CNTNAP2: variants seen among roughly 807,000 people sequenced by gnomAD.
CNTNAP2 encodes contactin associated protein 2, also known as contactin-associated protein-like 2.
A neutral mutation model predicts 155.2 loss-of-function variants in CNTNAP2; 98 were observed. The ratio of observed to expected loss-of-function variants is 0.63; its 90% CI spans 0.54 to 0.75. The LOEUF (loss-of-function observed/expected upper bound fraction) is 0.75, where lower values mean the gene tolerates loss of function less well. CNTNAP2 is among the 30% of genes least tolerant of loss of function. The pLI is 0.00. For synonymous variants in CNTNAP2, 651 were observed against 631.2 expected, an observed-to-expected ratio of 1.03 and a Z score of -0.47; for missense variants, 1,727 against 1,688.1, an observed-to-expected ratio of 1.02 and a Z score of -0.40.
At chr7:146,359,363 A>G (rs1206656408) in intron 1 of CNTNAP2, among the ~76,000 whole-genome samples, 3 of 152,258 alleles carry the variant, frequency 2.0e-5, no homozygotes, top group African/African-American at 7.2e-5. Context: ...CAGTCATCTC[A>G]TCTGTGGAAA....
chr7:146,248,585 C>T (rs890427974), intron 1 of CNTNAP2, among the ~76,000 whole-genome samples: 4 of 152,136 alleles, frequency 2.6e-5, no homozygotes, highest in East Asian at 3.9e-4. Context: ...GAGAGATTGA[C>T]GTGTGGCGCC....
intron 3 of CNTNAP2, among the ~76,000 whole-genome samples, chr7:146,879,885 C>A (rs759457515): frequency 6.6e-6 from 1 of 152,048 alleles, no homozygotes; most frequent in Admixed American, 6.6e-5. Flanking sequence ...TTCCACGTGG[C>A]TGGGGAGGCC....
rs1333893201 is a variant in CNTNAP2, at chr7:147,301,825, G to T, written c.1498+1535G>T. Among the ~76,000 whole-genome samples the T allele has an allele frequency of 2.0e-5, 3 of 152,086 alleles. No homozygotes were observed. The South Asian group carries it at 6.2e-4, about 31-fold the overall frequency. ...GTCACTTTATTATGAATTGTCTAGAGAGGAAACAGAGGAGGCCCTAGGCAA... is the reference window on the plus strand; with the variant it reads ...GTCACTTTATTATGAATTGTCTAGATAGGAAACAGAGGAGGCCCTAGGCAA... On this transcript the variant is annotated intron_variant, in intron 9 of 23. Coordinates refer to ENST00000361727, the MANE Select transcript of CNTNAP2 (RefSeq NM_014141.6).
chr7:147,663,022 C>A (rs1388666825), intron 13 of CNTNAP2, among the ~76,000 whole-genome samples: 1 of 151,754 alleles, frequency 6.6e-6, no homozygotes, highest in Non-Finnish European at 1.5e-5. Flanking sequence ...TTTTTGAGAC[C>A]GAGTCTCGCT....
At chr7:147,348,897 C>A (rs1795923982) in intron 9 of CNTNAP2, among the ~76,000 whole-genome samples, 1 of 151,862 alleles carries the variant, frequency 6.6e-6, no homozygotes. Flanking sequence ...GAAAGTTCAC[C>A]ACCACATGTT....
intron 8 of CNTNAP2, among the ~76,000 whole-genome samples, chr7:147,225,106 T>C (rs1311085497): frequency 6.6e-6 from 1 of 152,192 alleles, no homozygotes; most frequent in African/African-American, 2.4e-5. Flanking sequence ...AACCCTCAAT[T>C]ATCTTGTCTG....
chr7:148,310,197 C>A (rs1797568697), intron 21 of CNTNAP2, among the ~76,000 whole-genome samples: 2 of 152,164 alleles, frequency 1.3e-5, no homozygotes, highest in South Asian at 4.2e-4. Flanking sequence ...CAAGGGGGTT[C>A]AGCATAATTA....
intron 12 of CNTNAP2, among the ~76,000 whole-genome samples, chr7:147,624,891 G>C (rs1794940360): frequency 6.6e-6 from 1 of 152,158 alleles, no homozygotes; most frequent in Non-Finnish European, 1.5e-5. Flanking sequence ...TAAAGAAAAT[G>C]TGGTACATAT....
intron 11 of CNTNAP2, 56 bp from the exon 12 acceptor site, chr7:147,562,082 T>C: frequency 1.2e-6 from 2 of 1,611,956 alleles, no homozygotes; most frequent in Non-Finnish European, 1.7e-6. Flanking sequence ...GGGACATTTA[T>C]CTGGGGAGCC....
chr7:146,133,382 T>C (rs1797747097), intron 1 of CNTNAP2, among the ~76,000 whole-genome samples: 1 of 152,144 alleles, frequency 6.6e-6, no homozygotes, highest in South Asian at 2.1e-4. Flanking sequence ...ACTCTGATGG[T>C]TGTTTCTTTT....
chr7:146,495,666 T>C (rs700280), intron 1 of CNTNAP2, among the ~76,000 whole-genome samples: 72,421 of 151,808 alleles, frequency 0.48, 17,823 homozygotes, highest in Admixed American at 0.59. Context: ...AATGTATGCT[T>C]GGTTTTTTGA....
chr7:147,015,517 G>A (rs895154078), intron 3 of CNTNAP2, among the ~76,000 whole-genome samples: 1 of 151,912 alleles, frequency 6.6e-6, no homozygotes, highest in African/African-American at 2.4e-5. Flanking sequence ...TAGTGAGTGG[G>A]AATAATGATA....
At chr7:146,974,438 T>TAA (rs71165056) in intron 3 of CNTNAP2, among the ~76,000 whole-genome samples, 1 of 149,662 alleles carries the variant, frequency 6.7e-6, no homozygotes, top group African/African-American at 2.5e-5. Flanking sequence ...AACTCCGTCT[T>TAA]AAAAAAAAAT....
chr7:147,505,683 G>A (rs1022287521), intron 11 of CNTNAP2, among the ~76,000 whole-genome samples: 5 of 152,098 alleles, frequency 3.3e-5, no homozygotes, highest in African/African-American at 9.7e-5. Context: ...TAATGCTATC[G>A]ATCACCAAAC....
At chr7:147,817,330 G>T (rs1435432259) in intron 13 of CNTNAP2, among the ~76,000 whole-genome samples, 1 of 152,196 alleles carries the variant, frequency 6.6e-6, no homozygotes, top group African/African-American at 2.4e-5. Flanking sequence ...CACTAGACAT[G>T]ATTCCAAGAC....
rs561824655 is a variant in CNTNAP2 at position 146,442,464 on chromosome 7, G to A, written c.97+325491G>A. ...TGTGTGTGTGTGCGTGCGCATGTGT[G>A]TGTGTATGTGTGAGTGTGTGTGAAA... On this transcript the variant is annotated intron_variant, in intron 1 of 23. Transcript: ENST00000361727. Among the ~76,000 whole-genome samples, 7 of 152,222 alleles carry A rather than the reference G, an allele frequency of 4.6e-5. No individual in the cohort carries two copies. In the South Asian group the frequency reaches 1.5e-3, roughly 32 times the overall value.
chr7:146,128,423 C>T (rs1199666745), intron 1 of CNTNAP2, among the ~76,000 whole-genome samples: 1 of 152,120 alleles, frequency 6.6e-6, no homozygotes, highest in African/African-American at 2.4e-5. Flanking sequence ...TTTACACTCC[C>T]ATAAATTCCA....
intron 1 of CNTNAP2, among the ~76,000 whole-genome samples, chr7:146,228,619 C>T (rs1562998192): frequency 6.6e-6 from 1 of 152,104 alleles, no homozygotes; most frequent in East Asian, 1.9e-4. Flanking sequence ...ATGAGTACTA[C>T]AGAATTTTTC....
chr7:146,350,602 A>C (rs1162657548), intron 1 of CNTNAP2, among the ~76,000 whole-genome samples: 1 of 151,808 alleles, frequency 6.6e-6, no homozygotes, highest in African/African-American at 2.4e-5. Context: ...TAATTCAACC[A>C]TTGTGGAAGT....
Sources: allele counts gnomAD v4.1 joint callset (sites outside exome capture counted in the v4.1 genomes callset), GRCh38; gene constraint gnomAD v4.1.1; transcripts MANE v1.5; gene names NCBI Gene and HGNC (gene_info 2026-07-23, HGNC 2026-07-21).